Variants in ZNF521 observed in about 807,000 individuals in gnomAD.
ZNF521 encodes the protein LYST-interacting protein 3.
In ZNF521, 14 loss-of-function variants were observed where a neutral mutation model predicts 105.5. The observed-to-expected ratio is 0.13, with a 90% confidence interval of 0.09 to 0.21. The LOEUF (loss-of-function observed/expected upper bound fraction) is 0.21. Among genes scored for constraint, ZNF521 ranks in the 10% least tolerant of loss-of-function variants. The probability of loss-of-function intolerance (pLI) is 1.00; values close to 1 mark genes in which losing one functional copy is unlikely to be tolerated. For missense variants in ZNF521, 1,233 were observed against 1,629.7 expected, an observed-to-expected ratio of 0.76 and a Z score of 4.19; for synonymous variants, 635 against 606.0, an observed-to-expected ratio of 1.05 and a Z score of -0.70.
intron 5 of ZNF521, among the ~76,000 whole-genome samples, chr18:25,178,958 G>A (rs879765122): frequency 5.9e-5 from 9 of 151,910 alleles, no homozygotes; most frequent in Non-Finnish European, 1.0e-4. Context: ...TTCTGCTCAC[G>A]CCTCAGTTTC....
At chr18:25,101,001 T>C (rs111858045) in intron 5 of ZNF521, among the ~76,000 whole-genome samples, 36 of 152,334 alleles carry the variant, frequency 2.4e-4, no homozygotes, top group Admixed American at 6.5e-4. Flanking sequence ...CTGTGGCACA[T>C]GCAGCTGTGG....
In ZNF521 at chr18:25,333,314, C is replaced by CTCTCTA. The variant is rs572058933; in HGVS notation, c.41-11128_41-11127insTAGAGA. Among the ~76,000 whole-genome samples, 1,114 of 145,722 alleles carry CTCTCTA rather than the reference C, an allele frequency of 7.6e-3. 6 individuals carry two copies. Among genetic ancestry groups the CTCTCTA allele is most frequent in the East Asian group, 0.04 (199 of 4,936 alleles). On this transcript the variant is annotated intron_variant, in intron 2 of 7. Coordinates refer to ENST00000361524, the MANE Select transcript of ZNF521 (RefSeq NM_015461.3). ...ATAAGGACACACTCTCTCTCTCTCTCTATATATATATATATATATACACAC... is the reference window on the plus strand; with the variant it reads ...ATAAGGACACACTCTCTCTCTCTCTCTCTCTATATATATATATATATATATACACAC...
chr18:25,232,987 A>G (rs922285373), intron 3 of ZNF521, among the ~76,000 whole-genome samples: 7 of 152,184 alleles, frequency 4.6e-5, no homozygotes, highest in African/African-American at 1.7e-4. Flanking sequence ...ACACTTTAAC[A>G]TAAGCTGAAA....
At chr18:25,087,775 C>T (rs892188362) in intron 7 of ZNF521, among the ~76,000 whole-genome samples, 3 of 152,124 alleles carry the variant, frequency 2.0e-5, no homozygotes, top group Non-Finnish European at 4.4e-5. Flanking sequence ...ACACATGTGA[C>T]AGAATAGCAT....
chr18:25,161,236 A>G lies in ZNF521; in HGVS notation c.3658+33924T>C, dbSNP rs115993662. ...CACTAATAATTTTTCTAAAACACAC[A>G]CATACCACACACACGGTGGTTGGGG... On this transcript the variant is annotated intron_variant, in intron 5 of 7. Transcript: ENST00000361524. Among the ~76,000 whole-genome samples the G allele has an allele frequency of 4.7e-3, 709 of 152,262 alleles. 7 individuals are homozygous for G. Among genetic ancestry groups the G allele is most frequent in the African/African-American group, 0.016 (660 of 41,548 alleles).
In ZNF521 at chr18:25,351,223, G is replaced by GA. The variant is rs1231562502; in HGVS notation, c.-1-277dup. Reference sequence around the variant, plus strand: ...TTCGACCCCCACCCCCAATCTCCAAGAAAAAAAAAAAAAAAGGAAAAAGAA... The same window carrying GA: ...TTCGACCCCCACCCCCAATCTCCAAGAAAAAAAAAAAAAAAAGGAAAAAGAA... On this transcript the variant is annotated intron_variant, in intron 1 of 7. Transcript: ENST00000361524. The GA allele has an allele frequency of 5.3e-3, 233 of 43,768 alleles. 2 individuals carry two copies. The highest frequency in any genetic ancestry group is 0.05 in the South Asian group (91 of 1,824). 2.7% of individuals were successfully genotyped at this position (43,768 alleles called of 1,614,324 possible).
chr18:25,167,776 G>T (rs1479347342), intron 5 of ZNF521, among the ~76,000 whole-genome samples: 1 of 152,054 alleles, frequency 6.6e-6, no homozygotes, highest in Admixed American at 6.6e-5. Flanking sequence ...GTCAAACTGG[G>T]GTGTCTGAAC....
intron 5 of ZNF521, among the ~76,000 whole-genome samples, chr18:25,133,148 C>T (rs1165350115): frequency 6.6e-6 from 1 of 152,152 alleles, no homozygotes; most frequent in African/African-American, 2.4e-5. Flanking sequence ...TTCAAGGTCT[C>T]TTGGTAGAGT....
chr18:25,330,599 G>A (rs567261629), intron 2 of ZNF521, among the ~76,000 whole-genome samples: 9 of 152,150 alleles, frequency 5.9e-5, no homozygotes, highest in Non-Finnish European at 1.0e-4. Flanking sequence ...AGAAGAATAA[G>A]TATAAAATTA....
intron 4 of ZNF521, among the ~76,000 whole-genome samples, chr18:25,214,925 A>C (rs1444916858): frequency 6.6e-6 from 1 of 152,134 alleles, no homozygotes; most frequent in South Asian, 2.1e-4. Context: ...GGAAACATAT[A>C]GGAAACAGAA....
At position 25,224,358 on chromosome 18, in the gene ZNF521, G is replaced by A. The variant is rs369317403; in HGVS notation, c.3560C>T (p.Ser1187Phe). 1 of 1,611,392 alleles carries A rather than the reference G, an allele frequency of 6.2e-7. No individual in the cohort carries two copies. The highest frequency in any genetic ancestry group is 8.5e-7 in the Non-Finnish European group (1 of 1,177,980). The part of the protein sequence containing the change: ...QVSPMPRISP[S>F]QSDEKKTYQC... ...AAGGCGAGTTACCTCATCCGACTGGGAGGGACTGATTCTGGGCATTGGTGA... is the reference window on the plus strand; with the variant it reads ...AAGGCGAGTTACCTCATCCGACTGGAAGGGACTGATTCTGGGCATTGGTGA... The change falls in exon 4 of 8, where the codon TCC becomes TTC. Residue 1187 changes from serine (S) to phenylalanine (F), a missense_variant. By Grantham distance (155) the Ser-to-Phe change is radical. Transcript: ENST00000361524.
At chr18:25,350,638 CTTTT>C (rs1015616573) in intron 2 of ZNF521, among the ~76,000 whole-genome samples, 1 of 146,342 alleles carries the variant, frequency 6.8e-6, no homozygotes, top group Non-Finnish European at 1.5e-5. Flanking sequence ...CTCTCTCTCT[CTTTT>C]TTTTTTTCGG....
At chr18:25,202,580 G>A (rs576817049) in intron 4 of ZNF521, 1 of 152,306 alleles carries the variant, frequency 6.6e-6, no homozygotes, top group East Asian at 1.9e-4. Flanking sequence ...GTTTAAGTTA[G>A]CTAGGAGGAA....
chr18:25,248,439 A>G (rs1907879090), intron 3 of ZNF521, among the ~76,000 whole-genome samples: 1 of 152,212 alleles, frequency 6.6e-6, no homozygotes, highest in Non-Finnish European at 1.5e-5. Flanking sequence ...GTATATTATG[A>G]TGTTATCATT....
intron 3 of ZNF521, among the ~76,000 whole-genome samples, chr18:25,235,074 T>C (rs898678488): frequency 2.0e-5 from 3 of 152,188 alleles, no homozygotes; most frequent in African/African-American, 7.2e-5. Flanking sequence ...CATTGGTTAA[T>C]AGCTACACAC....
chr18:25,247,985 G>T (rs1907845851), intron 3 of ZNF521, among the ~76,000 whole-genome samples: 1 of 152,152 alleles, frequency 6.6e-6, no homozygotes, highest in Non-Finnish European at 1.5e-5. Flanking sequence ...CCTGCCATTT[G>T]TCACACTATT....
At chr18:25,351,069 G>C in intron 1 of ZNF521, 122 bp from the exon 2 acceptor site, 1 of 530,662 alleles carries the variant, frequency 1.9e-6, no homozygotes, top group Non-Finnish European at 2.6e-6. Context: ...TCGCGCCCTC[G>C]CTCCGCGCTC....
At chr18:25,304,094 A>T (rs1911828938) in intron 3 of ZNF521, among the ~76,000 whole-genome samples, 1 of 152,242 alleles carries the variant, frequency 6.6e-6, no homozygotes, top group Non-Finnish European at 1.5e-5. Context: ...CCTTCACTGA[A>T]GAAAATTTAC....
intron 4 of ZNF521, chr18:25,201,084 C>T (rs913885456): frequency 1.3e-5 from 2 of 149,324 alleles, no homozygotes; most frequent in African/African-American, 2.5e-5. Context: ...CTAGTAGTTT[C>T]GCCATTGGTT....
Sources: allele counts gnomAD v4.1 joint callset (sites outside exome capture counted in the v4.1 genomes callset), GRCh38; gene constraint gnomAD v4.1.1; transcripts MANE v1.5; gene names NCBI Gene and HGNC (gene_info 2026-07-23, HGNC 2026-07-21).